The following MARCHF1 variants were observed in gnomAD, a reference collection of about 807,000 sequenced individuals.
The protein encoded by MARCHF1 is E3 ubiquitin-protein ligase MARCHF1.
A neutral mutation model predicts 54.2 loss-of-function variants in MARCHF1; 40 were observed. That is an observed-to-expected ratio of 0.74 (90% CI 0.57 to 0.96). The LOEUF (loss-of-function observed/expected upper bound fraction) is 0.96, where lower values mean the gene tolerates loss of function less well. Among genes scored for constraint, MARCHF1 ranks in the 40% least tolerant of loss-of-function variants. The probability of loss-of-function intolerance (pLI) is 0.00; values close to 1 mark genes in which losing one functional copy is unlikely to be tolerated. For synonymous variants in MARCHF1, 236 were observed against 236.3 expected, an observed-to-expected ratio of 1.00 and a Z score of 0.01; for missense variants, 586 against 656.5, an observed-to-expected ratio of 0.89 and a Z score of 1.17.
intron 3 of MARCHF1, among the ~76,000 whole-genome samples, chr4:163,887,493 C>T (rs944358003): frequency 6.6e-6 from 1 of 152,090 alleles, no homozygotes; most frequent in Non-Finnish European, 1.5e-5. Flanking sequence ...AATTATCACC[C>T]AGAACCTGTT....
At chr4:163,611,919 A>C (rs77206870) in intron 7 of MARCHF1, among the ~76,000 whole-genome samples, 3,523 of 152,164 alleles carry the variant, frequency 0.023, 125 homozygotes, top group African/African-American at 0.075. Flanking sequence ...ATGCCAGCAA[A>C]TTTGCATTGA....
chr4:163,621,274 T>A (rs1480292162), intron 5 of MARCHF1, among the ~76,000 whole-genome samples: 4 of 152,220 alleles, frequency 2.6e-5, no homozygotes, highest in Non-Finnish European at 5.9e-5. Flanking sequence ...CTTAGACCAG[T>A]AACTCTCAAT....
chr4:163,609,614 T>C (rs1741257565), intron 7 of MARCHF1, among the ~76,000 whole-genome samples: 1 of 150,162 alleles, frequency 6.7e-6, no homozygotes, highest in African/African-American at 2.4e-5. Flanking sequence ...TTTCTGTGTG[T>C]GTGTGTGTGT....
intron 1 of MARCHF1, among the ~76,000 whole-genome samples, chr4:164,263,545 T>C (rs1158241061): frequency 6.6e-6 from 1 of 152,154 alleles, no homozygotes; most frequent in Non-Finnish European, 1.5e-5. Context: ...TACTAGCATA[T>C]GCCACCATGT....
chr4:164,043,182 A>G (rs1173880431), intron 2 of MARCHF1, among the ~76,000 whole-genome samples: 1 of 152,138 alleles, frequency 6.6e-6, no homozygotes, highest in Non-Finnish European at 1.5e-5. Flanking sequence ...GGGAGTCTGT[A>G]TGGGGGCTCC....
At chr4:163,644,213 A>T (rs1385271762) in intron 5 of MARCHF1, among the ~76,000 whole-genome samples, 1 of 152,120 alleles carries the variant, frequency 6.6e-6, no homozygotes, top group Non-Finnish European at 1.5e-5. Context: ...TCCACCACTC[A>T]TTTTCCCTCA....
chr4:163,988,902 C>T (rs1435650317), intron 2 of MARCHF1, 193 bp from the exon 3 acceptor site: 3 of 152,194 alleles, frequency 2.0e-5, no homozygotes, highest in Non-Finnish European at 4.4e-5. Flanking sequence ...GGAGCACCCC[C>T]TCTCCCCTAA....
chr4:164,118,292 G>A (rs1286091974), intron 1 of MARCHF1, among the ~76,000 whole-genome samples: 1 of 150,038 alleles, frequency 6.7e-6, no homozygotes, highest in East Asian at 1.9e-4. Flanking sequence ...TAGATTTTGG[G>A]GATTACAAAA....
chr4:164,382,575 C>T (rs556830059), intron 1 of MARCHF1, among the ~76,000 whole-genome samples: 1 of 152,138 alleles, frequency 6.6e-6, no homozygotes, highest in East Asian at 1.9e-4. Flanking sequence ...GTCACTGAAC[C>T]CCCAAAGTAG....
At chr4:164,115,724 A>AT (rs1755925989) in intron 1 of MARCHF1, among the ~76,000 whole-genome samples, 1 of 152,106 alleles carries the variant, frequency 6.6e-6, no homozygotes, top group African/African-American at 2.4e-5. Context: ...TATGAATCTG[A>AT]TAATTCAAAT....
intron 2 of MARCHF1, among the ~76,000 whole-genome samples, chr4:164,058,842 T>C (rs1008394729): frequency 6.6e-6 from 1 of 152,234 alleles, no homozygotes; most frequent in South Asian, 2.1e-4. Flanking sequence ...TTCACAGATA[T>C]AGAAACCAAT....
chr4:163,663,181 C>T (rs1743407557), intron 5 of MARCHF1, among the ~76,000 whole-genome samples: 1 of 151,292 alleles, frequency 6.6e-6, no homozygotes, highest in Non-Finnish European at 1.5e-5. Context: ...ATATTTTTTC[C>T]TAGTGGATGC....
In MARCHF1 at chr4:164,006,573, A is replaced by G. The variant is rs114161646; in HGVS notation, c.-247-17864T>C. On this transcript the variant is annotated intron_variant, in intron 2 of 9. Coordinates refer to ENST00000514618, the MANE Select transcript of MARCHF1 (RefSeq NM_001394959.1). ...ACAAAGTTTATTCGAAGAAATCACA[A>G]CAAAAAACTATCCAAAAATTGAGAA... is the stretch of plus-strand genomic sequence containing the variant. 5.7e-4 allele frequency among the ~76,000 whole-genome samples: 87 copies of G among 152,284 alleles called. 1 individual carries two copies. The highest frequency in any genetic ancestry group is 2.1e-3 in the African/African-American group (87 of 41,574).
intron 4 of MARCHF1, among the ~76,000 whole-genome samples, chr4:163,755,916 C>T (rs1746652848): frequency 6.6e-6 from 1 of 152,162 alleles, no homozygotes; most frequent in African/African-American, 2.4e-5. Context: ...CAGTTGAACT[C>T]AAATTACTGG....
Position 163,953,965 on chromosome 4 carries a change from T to C in MARCHF1, c.-39+34536A>G, listed in dbSNP as rs148118437. The stretch of plus-strand genomic sequence containing the variant: ...TCCACTAACGCTTGTCTTCCATTAA[T>C]ACCAATAAAAAACTACAGCAGAATT... On this transcript the variant is annotated intron_variant, in intron 3 of 9. Transcript: ENST00000514618. 1.2e-3 allele frequency among the ~76,000 whole-genome samples: 181 copies of C among 152,262 alleles called. 4 individuals are homozygous for C. The East Asian group carries it at 0.029, about 24-fold the overall frequency.
intron 5 of MARCHF1, among the ~76,000 whole-genome samples, chr4:163,617,506 T>G (rs1452827316): frequency 6.6e-6 from 1 of 152,186 alleles, no homozygotes; most frequent in African/African-American, 2.4e-5. Flanking sequence ...ATGTAAATTA[T>G]TACACATTAA....
At chr4:163,789,914 CAAGTAA>C (rs755585603) in intron 4 of MARCHF1, among the ~76,000 whole-genome samples, 2 of 151,988 alleles carry the variant, frequency 1.3e-5, no homozygotes, top group Non-Finnish European at 2.9e-5. Flanking sequence ...ACTAATGATG[CAAGTAA>C]AAGTATAAAT....
chr4:163,810,012 A>T (rs1748340695), intron 4 of MARCHF1, among the ~76,000 whole-genome samples: 1 of 152,028 alleles, frequency 6.6e-6, no homozygotes, highest in Non-Finnish European at 1.5e-5. Flanking sequence ...TTCTAAGCAA[A>T]TGTTATCAGA....
At chr4:163,849,133 A>T (rs1206230778) in intron 4 of MARCHF1, among the ~76,000 whole-genome samples, 1 of 152,190 alleles carries the variant, frequency 6.6e-6, no homozygotes, top group Non-Finnish European at 1.5e-5. Flanking sequence ...GAAAGACGTG[A>T]TAGAGTGGCC....
Sources: allele counts gnomAD v4.1 joint callset (sites outside exome capture counted in the v4.1 genomes callset), GRCh38; gene constraint gnomAD v4.1.1; transcripts MANE v1.5; gene names NCBI Gene and HGNC (gene_info 2026-07-23, HGNC 2026-07-21).